The following HECA variants were observed in gnomAD, a reference collection of about 807,000 sequenced individuals.
The protein encoded by HECA is HECA ribonucleoprotein granule regulator, also known as headcase protein homolog.
A neutral mutation model predicts 37.6 loss-of-function variants in HECA; 13 were observed. That is an observed-to-expected ratio of 0.35 (90% confidence interval 0.23 to 0.55). The LOEUF (loss-of-function observed/expected upper bound fraction) is 0.55, where lower values mean the gene tolerates loss of function less well. HECA is among the 20% of genes least tolerant of loss of function. The probability of loss-of-function intolerance (pLI) is 0.90; values close to 1 mark genes in which losing one functional copy is unlikely to be tolerated. For synonymous variants in HECA, 307 were observed against 291.5 expected (o/e 1.05, Z -0.54); for missense variants, 527 against 701.9 (o/e 0.75, Z 2.82).
At chr6:139,160,019 GCA>G (rs1201927774) in intron 1 of HECA, among the ~76,000 whole-genome samples, 3 of 152,186 alleles carry the variant, frequency 2.0e-5, no homozygotes, top group Non-Finnish European at 4.4e-5. Flanking sequence ...TAGGTAAGGA[GCA>G]CAGAGTTCTC....
intron 2 of HECA, 34 bp downstream of exon 2, chr6:139,167,358 T>A: frequency 6.7e-7 from 1 of 1,482,688 alleles, no homozygotes; most frequent in South Asian, 1.3e-5. Context: ...CTGCTTTCTG[T>A]TTGTTAAAAA....
rs1257711732 is a variant in HECA, at chr6:139,156,547, G to T, written c.272-9737G>T. On this transcript the variant is annotated intron_variant, in intron 1 of 3. Transcript: ENST00000367658. ...AATATCACCTAAGTGTGCTAATACT[G>T]GTGCTGAAAAACATCCTGGAAATCA... 5.3e-5 allele frequency among the ~76,000 whole-genome samples: 8 copies of T among 152,154 alleles called. No individual in the cohort carries two copies. In the South Asian group the frequency reaches 6.2e-4, roughly 12 times the overall value.
chr6:139,176,241 G>A lies in HECA; in HGVS notation c.1468-700G>A, dbSNP rs896755401. Among the ~76,000 whole-genome samples, 2 of 152,166 alleles carry A rather than the reference G, an allele frequency of 1.3e-5. No homozygotes were observed. Among genetic ancestry groups the A allele is most frequent in the African/African-American group, 4.8e-5 (2 of 41,430 alleles). ...TTTGGCATGGTGCTTTATCACATGT[G>A]CCTCAGTTGCATTATCTAAAAGTCA... On this transcript the variant is annotated intron_variant, in intron 3 of 3. Coordinates refer to ENST00000367658, the MANE Select transcript of HECA (RefSeq NM_016217.3). The surrounding 1 kb of genome is among the most constrained non-coding windows in gnomAD (Gnocchi z 4.5).
chr6:139,152,716 C>T (rs1303060945), intron 1 of HECA, among the ~76,000 whole-genome samples: 2 of 151,992 alleles, frequency 1.3e-5, no homozygotes, highest in Admixed American at 6.6e-5. Flanking sequence ...ACTAGCCTTC[C>T]TTTATGTGTA....
rs920438881 is a variant in HECA, at chr6:139,166,928, C to A, written c.916C>A (p.Pro306Thr). ...CTTAAAGAACGCCATCCATCTGGAG[C>A]CTCACAAGAAGGCCATGGCTGGGGG... ...EFLKNAIHLE[P>T]HKKAMAGGHV... Residue 306 changes from proline to threonine, a missense_variant, in exon 2 of 4, where the codon CCT (proline) becomes ACT (threonine). Physicochemically the swap from Pro to Thr is conservative, Grantham distance 38. This residue lies in a region of HECA where 228 missense variants were observed against 259.8 expected (regional missense o/e 0.88). Coordinates refer to ENST00000367658, the MANE Select transcript of HECA (RefSeq NM_016217.3). The A allele has an allele frequency of 1.2e-6, 2 of 1,614,116 alleles. No individual in the cohort carries two copies. Among genetic ancestry groups the A allele is most frequent in the African/African-American group, 2.7e-5 (2 of 75,062 alleles).
chr6:139,135,734 C>A, intron 1 of HECA, 67 bp downstream of exon 1: 1 of 703,704 alleles, frequency 1.4e-6, no homozygotes, highest in Non-Finnish European at 1.8e-6. Context: ...TGGCGGGGCC[C>A]TGGGTGGCGC....
intron 1 of HECA, among the ~76,000 whole-genome samples, chr6:139,140,897 T>G (rs934555557): frequency 6.6e-6 from 1 of 151,928 alleles, no homozygotes; most frequent in Non-Finnish European, 1.5e-5. Flanking sequence ...TTCACACTAT[T>G]CTCCTACCTC....
intron 1 of HECA, 81 bp downstream of exon 1, chr6:139,135,748 C>A: frequency 1.7e-6 from 1 of 578,926 alleles, no homozygotes. Flanking sequence ...GTGGCGCGGG[C>A]GGTGCGTGGA....
At chr6:139,138,741 A>T (rs901586947) in intron 1 of HECA, among the ~76,000 whole-genome samples, 1 of 152,214 alleles carries the variant, frequency 6.6e-6, no homozygotes, top group Non-Finnish European at 1.5e-5. Flanking sequence ...TAAGTTTAAT[A>T]TTAATTCTTA....
intron 2 of HECA, 63 bp from the exon 3 acceptor site, chr6:139,174,322 T>G: frequency 1.3e-6 from 2 of 1,521,964 alleles, no homozygotes; most frequent in South Asian, 2.5e-5. Flanking sequence ...CATTTTTATC[T>G]CCTTGGAGAT....
Position 139,135,299 on chromosome 6 carries a change from C to CT in HECA, c.-95dup. 9.8e-7 allele frequency: 1 copy of CT among 1,020,938 alleles called. No homozygotes were observed. Among genetic ancestry groups the CT allele is most frequent in the Non-Finnish European group, 1.2e-6 (1 of 818,460 alleles). 63.2% of individuals were successfully genotyped at this position (1,020,938 alleles called of 1,614,324 possible). A position where few individuals can be genotyped will look rare whatever the true frequency, so the allele number is the denominator to read the frequency against. On this transcript the variant is annotated 5_prime_UTR_variant, in exon 1 of 4. Transcript: ENST00000367658. ...GAACCGCCGGCTCGCGCCCTCCGTTCTTTCCCGGAGCCGGCTTCACGCAGG... is the reference window on the plus strand; with the variant it reads ...GAACCGCCGGCTCGCGCCCTCCGTTCTTTTCCCGGAGCCGGCTTCACGCAGG...
intron 2 of HECA, among the ~76,000 whole-genome samples, chr6:139,168,598 A>G (rs1049600591): frequency 1.3e-5 from 2 of 151,882 alleles, no homozygotes; most frequent in Admixed American, 6.6e-5. Flanking sequence ...GTCCTGGTGC[A>G]CTCAGGACCT....
At chr6:139,160,603 C>T (rs1774785232) in intron 1 of HECA, among the ~76,000 whole-genome samples, 1 of 152,240 alleles carries the variant, frequency 6.6e-6, no homozygotes, top group East Asian at 1.9e-4. Flanking sequence ...TTCATGGAGA[C>T]GGAGTCTCAC....
intron 1 of HECA, among the ~76,000 whole-genome samples, chr6:139,149,376 G>C (rs1383730486): frequency 6.6e-6 from 1 of 152,238 alleles, no homozygotes; most frequent in Non-Finnish European, 1.5e-5. Context: ...ACATGATACT[G>C]TTTGTGACGA....
At chr6:139,143,104 A>G (rs1219999666) in intron 1 of HECA, among the ~76,000 whole-genome samples, 1 of 152,222 alleles carries the variant, frequency 6.6e-6, no homozygotes, top group Non-Finnish European at 1.5e-5. Flanking sequence ...AAGACTGGGT[A>G]CTTCAGGCTT....
chr6:139,150,474 T>TA lies in HECA; in HGVS notation c.271+14820dup, dbSNP rs60587674. Among the ~76,000 whole-genome samples, 662 of 144,690 alleles carry TA rather than the reference T, an allele frequency of 4.6e-3. 5 individuals carry two copies. Among genetic ancestry groups the TA allele is most frequent in the African/African-American group, 0.015 (615 of 39,714 alleles). The allele number at this position is 144,690 out of a possible 152,430, so 94.9% of individuals were successfully genotyped here. ...ATGACTTTGGGGGTGAGAGTGGGGC[T>TA]AAAAAAAAAAAAAGAAATAGATGAT... On this transcript the variant is annotated intron_variant, in intron 1 of 3. Transcript: ENST00000367658.
intron 1 of HECA, chr6:139,144,261 A>G (rs1451424609): frequency 6.6e-6 from 1 of 152,182 alleles, no homozygotes; most frequent in Non-Finnish European, 1.5e-5. Flanking sequence ...TACAATGTTA[A>G]ATTATACTTG....
In HECA at chr6:139,166,740, A is replaced by G. The variant is rs1339207347; in HGVS notation, c.728A>G (p.His243Arg). Residue 243 changes from histidine to arginine, a missense_variant, in exon 2 of 4, where the codon CAT becomes CGT. Coordinates refer to ENST00000367658, the MANE Select transcript of HECA (RefSeq NM_016217.3). ...CCAAGCCACGACCTCCCCCGCCGGC[A>G]TTCCATGGACCGGCAGAACTCCCAG... ...KGPSHDLPRR[H>R]SMDRQNSQEK... The G allele has an allele frequency of 1.9e-6, 3 of 1,613,628 alleles. No individual in the cohort carries two copies. The East Asian group carries it at 6.7e-5, about 36-fold the overall frequency.
At chr6:139,174,243 C>A in intron 2 of HECA, 142 bp from the exon 3 acceptor site, 1 of 916,272 alleles carries the variant, frequency 1.1e-6, no homozygotes, top group Non-Finnish European at 1.6e-6. Flanking sequence ...AGCTTGTGTA[C>A]TAAATATTGA....
Sources: allele counts gnomAD v4.1 joint callset (sites outside exome capture counted in the v4.1 genomes callset), GRCh38; gene constraint gnomAD v4.1.1; regional missense constraint gnomAD v4.1.1; non-coding constraint Gnocchi (gnomAD v3.1); transcripts MANE v1.5; gene names NCBI Gene and HGNC (gene_info 2026-07-23, HGNC 2026-07-21).